Variants in RTL9 observed in about 807,000 individuals in gnomAD.
RTL9 encodes retrotransposon Gag like 9, also known as retrotransposon Gag-like protein 9.
RTL9 carries 19 observed loss-of-function variants against 44.7 expected under a neutral mutation model. The ratio of observed to expected loss-of-function variants is 0.42; its 90% confidence interval spans 0.30 to 0.62. RTL9 has a LOEUF of 0.62. RTL9 is among the 20% of genes least tolerant of loss of function. The pLI is 0.16. For synonymous variants in RTL9, 407 were observed against 398.9 expected, an observed-to-expected ratio of 1.02 and a Z score of -0.24; for missense variants, 1,105 against 1,080.6, an observed-to-expected ratio of 1.02 and a Z score of -0.32.
At chrX:110,417,595 A>G (rs1427117298), upstream of RTL9, among the ~76,000 whole-genome samples, 2 of 111,563 alleles carry the variant, frequency 1.8e-5, no homozygotes, top group African/African-American at 6.5e-5. Flanking sequence ...TTATCACTTC[A>G]TTTTATACAC....
At chrX:110,411,566 A>G (rs2068642027) in intron 1 of RTL9, among the ~76,000 whole-genome samples, 1 of 112,177 alleles carries the variant, frequency 8.9e-6, no homozygotes, top group African/African-American at 3.2e-5. Flanking sequence ...GCAACGAGAA[A>G]CTGTAGAATC....
At chrX:110,418,162 C>T (rs1364931328), upstream of RTL9, among the ~76,000 whole-genome samples, 3 of 112,718 alleles carry the variant, frequency 2.7e-5, no homozygotes, top group Non-Finnish European at 5.6e-5. Flanking sequence ...ATCCGGCATG[C>T]AGGCCGGGGA....
exon 1 of RTL9, chrX:110,453,160 C>G (rs769765967): frequency 8.3e-7 from 1 of 1,210,965 alleles, no homozygotes; most frequent in Non-Finnish European, 1.1e-6. Flanking sequence ...ATGTCCATGC[C>G]ACTAACAAGA....
At chrX:110,370,735 C>T (rs1051647395) in intron 1 of RTL9, among the ~76,000 whole-genome samples, 10 of 112,325 alleles carry the variant, frequency 8.9e-5, no homozygotes, top group South Asian at 3.7e-4. Flanking sequence ...TGTGAGACAA[C>T]GGCAAGTGGT....
At chrX:110,443,670 G>A (rs2068894266) in intron 1 of RTL9, among the ~76,000 whole-genome samples, 1 of 112,394 alleles carries the variant, frequency 8.9e-6, no homozygotes, top group Admixed American at 9.4e-5. Context: ...TGGGATGAAT[G>A]CTTAGTAGTT....
At chrX:110,410,948 C>G (rs895266206) in intron 1 of RTL9, among the ~76,000 whole-genome samples, 2 of 112,213 alleles carry the variant, frequency 1.8e-5, no homozygotes, top group African/African-American at 3.2e-5. Context: ...TAAAATTAGG[C>G]ACTTCCTATT....
At chrX:110,432,466 G>A (rs988726459) in intron 1 of RTL9, among the ~76,000 whole-genome samples, 2 of 112,213 alleles carry the variant, frequency 1.8e-5, no homozygotes, top group Non-Finnish European at 3.8e-5. Flanking sequence ...TGGAGAAGGC[G>A]CTGTCTGGCT....
chrX:110,386,737 A>G (rs1324325052), intron 1 of RTL9, among the ~76,000 whole-genome samples: 1 of 112,085 alleles, frequency 8.9e-6, no homozygotes, highest in African/African-American at 3.2e-5. Flanking sequence ...AAATCACCTG[A>G]TGCACCCTAT....
intron 1 of RTL9, among the ~76,000 whole-genome samples, chrX:110,430,023 G>T (rs1340343653): frequency 8.9e-6 from 1 of 111,757 alleles, no homozygotes; most frequent in Non-Finnish European, 1.9e-5. Context: ...CTGGGTGGTG[G>T]GCATGTTCTT....
chrX:110,414,308 C>T (rs751973198), upstream of RTL9, among the ~76,000 whole-genome samples: 12 of 112,532 alleles, frequency 1.1e-4, no homozygotes, highest in East Asian at 3.3e-3. Flanking sequence ...CACTTGCAAA[C>T]TTTCTCCACT....
At chrX:110,407,077 T>G (rs1416053927) in intron 1 of RTL9, among the ~76,000 whole-genome samples, 1 of 111,855 alleles carries the variant, frequency 8.9e-6, no homozygotes, top group African/African-American at 3.3e-5. Context: ...CTTTAGGTGA[T>G]TAACAATGCC....
chrX:110,391,699 C>A (rs1052822347), intron 1 of RTL9, among the ~76,000 whole-genome samples: 2 of 112,104 alleles, frequency 1.8e-5, no homozygotes, highest in Non-Finnish European at 3.8e-5. Flanking sequence ...TAGTGAGAAA[C>A]CATCTATATA....
chrX:110,367,771 C>T (rs1184793201), intron 1 of RTL9, among the ~76,000 whole-genome samples: 1 of 110,208 alleles, frequency 9.1e-6, no homozygotes, highest in African/African-American at 3.3e-5. Flanking sequence ...TCTCACACTC[C>T]AGATCCTATC....
chrX:110,432,518 C>T (rs760948901), intron 1 of RTL9, among the ~76,000 whole-genome samples: 1 of 111,776 alleles, frequency 8.9e-6, no homozygotes. Context: ...CGTTGGGGGC[C>T]GTCAGGAGTG....
At chrX:110,452,340 A>G in exon 1 of RTL9, 1 of 1,211,916 alleles carries the variant, frequency 8.3e-7, no homozygotes. Context: ...TTCTGGAGCA[A>G]TGTCCACCCC....
At chrX:110,450,693 A>G in exon 1 of RTL9, 2 of 1,211,192 alleles carry the variant, frequency 1.7e-6, no homozygotes, top group Non-Finnish European at 2.2e-6. Flanking sequence ...AAACAAGCAG[A>G]TGGCCTTCTG....
chrX:110,365,287 G>C (rs938646976), intron 1 of RTL9, among the ~76,000 whole-genome samples: 21 of 111,696 alleles, frequency 1.9e-4, no homozygotes, highest in African/African-American at 6.5e-4. Context: ...CAAGATTCTG[G>C]AATAATTCTG....
exon 1 of RTL9, chrX:110,453,781 G>T (rs1232600872): frequency 2.5e-6 from 3 of 1,208,896 alleles, no homozygotes; most frequent in South Asian, 3.5e-5. Flanking sequence ...TGTGGCATGG[G>T]TATGTCCATG....
intron 1 of RTL9, among the ~76,000 whole-genome samples, chrX:110,440,981 A>G (rs763061016): frequency 4.5e-5 from 5 of 111,838 alleles, no homozygotes; most frequent in Admixed American, 9.4e-5. Context: ...TCCTTTCATC[A>G]GGTATGTCAA....
Sources: gnomAD v4.1 joint callset for allele counts (sites outside exome capture counted in the v4.1 genomes callset) on GRCh38, gnomAD v4.1.1 for gene constraint, MANE v1.5 for transcripts, NCBI Gene and HGNC (gene_info 2026-07-23, HGNC 2026-07-21) for gene names.